The following FRMD3 variants were observed in gnomAD, a reference collection of about 807,000 sequenced individuals.
The protein encoded by FRMD3 is FERM domain containing 3.
FRMD3 carries 33 observed loss-of-function variants against 70.2 expected under a neutral mutation model. The ratio of observed to expected loss-of-function variants is 0.47; its 90% CI spans 0.36 to 0.63. The LOEUF (loss-of-function observed/expected upper bound fraction) is 0.63. Among genes scored for constraint, FRMD3 ranks in the 20% least tolerant of loss-of-function variants. FRMD3 has a pLI of 0.00. For synonymous variants in FRMD3, 279 were observed against 255.9 expected (o/e 1.09, Z -0.86); for missense variants, 632 against 711.4 (o/e 0.89, Z 1.27).
chr9:83,576,196 T>C, the FRMD3 span, among the ~76,000 whole-genome samples: 33,137 of 152,050 alleles, frequency 0.22, 4,704 homozygotes, highest in African/African-American at 0.41. Context: ...TTAATCACCA[T>C]GGCCAAGTAG....
Position 83,330,550 on chromosome 9 carries a change from C to T in FRMD3, c.596+4966G>A, listed in dbSNP as rs190294315. Reference sequence around the variant, plus strand: ...GATAACTTAAAATTATCTACAGAGGCAGGAGAGTGAAGTAGAAATTGATTC... The same window carrying T: ...GATAACTTAAAATTATCTACAGAGGTAGGAGAGTGAAGTAGAAATTGATTC... On this transcript the variant is annotated intron_variant, in intron 6 of 13. Coordinates refer to ENST00000304195, the MANE Select transcript of FRMD3 (RefSeq NM_174938.6). Among the ~76,000 whole-genome samples the T allele has an allele frequency of 7.4e-3, 1,121 of 152,224 alleles. 4 individuals are homozygous for T. Among genetic ancestry groups the T allele is most frequent in the Non-Finnish European group, 0.012 (821 of 68,012 alleles).
chr9:83,372,534 C>T (rs1256106604), intron 3 of FRMD3, among the ~76,000 whole-genome samples: 3 of 152,122 alleles, frequency 2.0e-5, no homozygotes, highest in African/African-American at 4.8e-5. Flanking sequence ...CTGCTTCTCC[C>T]ATCTTCCTTA....
At chr9:83,400,636 T>C (rs780290052) in intron 1 of FRMD3, among the ~76,000 whole-genome samples, 3 of 152,154 alleles carry the variant, frequency 2.0e-5, no homozygotes, top group Non-Finnish European at 2.9e-5. Flanking sequence ...CAAGACTTAC[T>C]ATAAAGTTAC....
At chr9:83,254,470 A>C (rs1474651166) in intron 13 of FRMD3, among the ~76,000 whole-genome samples, 1 of 152,042 alleles carries the variant, frequency 6.6e-6, no homozygotes, top group Admixed American at 6.6e-5. Flanking sequence ...TCTCAACTAA[A>C]AGAACTAGAG....
intron 1 of FRMD3, among the ~76,000 whole-genome samples, chr9:83,434,880 G>C (rs554756429): frequency 3.4e-4 from 45 of 134,136 alleles, no homozygotes; most frequent in African/African-American, 1.2e-3. Context: ...AGGCTGGAGT[G>C]CAGTGGCACG....
intron 1 of FRMD3, among the ~76,000 whole-genome samples, chr9:83,518,251 G>A (rs1829495933): frequency 6.6e-6 from 1 of 152,152 alleles, no homozygotes; most frequent in African/African-American, 2.4e-5. Context: ...CATCATCTCA[G>A]CCCAAAAACT....
At chr9:83,290,853 G>T in intron 12 of FRMD3, 126 bp from the exon 13 acceptor site, 2 of 974,406 alleles carry the variant, frequency 2.1e-6, no homozygotes, top group Non-Finnish European at 3.0e-6. Flanking sequence ...AGTGAATTGA[G>T]CCAGTAGTAA....
chr9:83,255,165 C>T (rs765505951), intron 13 of FRMD3, among the ~76,000 whole-genome samples: 5 of 152,246 alleles, frequency 3.3e-5, no homozygotes, highest in South Asian at 2.1e-4. Context: ...AGCAGCATAT[C>T]GAAAGGCTTA....
In FRMD3 at chr9:83,389,573, A is replaced by C. The variant is rs757339968; in HGVS notation, c.252+31T>G. 13 of 1,485,936 alleles carry C rather than the reference A, an allele frequency of 8.7e-6. No homozygotes were observed. In the African/African-American group the frequency reaches 1.7e-4, roughly 19 times the overall value. The allele number at this position is 1,485,936 out of a possible 1,614,324, so 92.0% of individuals were successfully genotyped here. A position where few individuals can be genotyped will look rare whatever the true frequency, so the allele number is the denominator to read the frequency against. On this transcript the variant is annotated intron_variant, in intron 2 of 13. Coordinates refer to ENST00000304195, the MANE Select transcript of FRMD3 (RefSeq NM_174938.6). ...GCACCACAGTCTGGGTCACTCCCTG[A>C]AAATGGCTCCAGATAGAAATCAGCT...
chr9:83,380,715 T>C (rs1398977172), intron 2 of FRMD3, among the ~76,000 whole-genome samples: 1 of 152,220 alleles, frequency 6.6e-6, no homozygotes, highest in Non-Finnish European at 1.5e-5. Context: ...AATGTTTGGC[T>C]TCTGTTGAAA....
At chr9:83,311,837 G>T in intron 8 of FRMD3, 50 bp downstream of exon 8, 1 of 1,280,320 alleles carries the variant, frequency 7.8e-7, no homozygotes. Flanking sequence ...GGGGACGGAG[G>T]AATCAAGATT....
chr9:83,285,559 C>T (rs55707933), intron 13 of FRMD3, among the ~76,000 whole-genome samples: 23,257 of 152,134 alleles, frequency 0.15, 1,830 homozygotes, highest in Admixed American at 0.16. Flanking sequence ...TGCCAGCCTG[C>T]ACCACTGCTA....
At chr9:83,546,472 T>C in the FRMD3 span, among the ~76,000 whole-genome samples, 1 of 152,210 alleles carries the variant, frequency 6.6e-6, no homozygotes, top group Admixed American at 6.5e-5. Flanking sequence ...ACTAAGGGAA[T>C]TTGATGCCAC....
intron 1 of FRMD3, among the ~76,000 whole-genome samples, chr9:83,460,617 C>T (rs759731210): frequency 6.7e-6 from 1 of 149,928 alleles, no homozygotes; most frequent in Non-Finnish European, 1.5e-5. Context: ...ATAAGGGATC[C>T]GTTTTCATTT....
At chr9:83,310,360 T>A (rs1300622518) in intron 9 of FRMD3, 125 bp downstream of exon 9, 4 of 786,856 alleles carry the variant, frequency 5.1e-6, no homozygotes, top group Non-Finnish European at 8.4e-6. Flanking sequence ...GCATATAGCT[T>A]TCATTATCAC....
chr9:83,353,503 TC>T (rs1415873942), intron 3 of FRMD3, among the ~76,000 whole-genome samples: 1 of 152,164 alleles, frequency 6.6e-6, no homozygotes, highest in Admixed American at 6.5e-5. Context: ...CAGCTTTTTA[TC>T]CCCAGAGCTG....
At chr9:83,538,916 C>T (rs193091725), upstream of FRMD3, among the ~76,000 whole-genome samples, 1 of 152,156 alleles carries the variant, frequency 6.6e-6, no homozygotes, top group Non-Finnish European at 1.5e-5. The surrounding 1 kb of genome is among the most constrained non-coding windows in gnomAD (Gnocchi z 4.7). Context: ...AGCCCTGACA[C>T]GGCTACACCA....
chr9:83,312,409 C>T (rs1176709186), intron 7 of FRMD3, among the ~76,000 whole-genome samples: 1 of 152,136 alleles, frequency 6.6e-6, no homozygotes, highest in East Asian at 1.9e-4. Flanking sequence ...CTGGAAATTT[C>T]AGTATAAAAA....
the FRMD3 span, among the ~76,000 whole-genome samples, chr9:83,575,276 A>G: frequency 6.6e-6 from 1 of 152,224 alleles, no homozygotes; most frequent in South Asian, 2.1e-4. Flanking sequence ...AATGAACTAG[A>G]ACGAGGGGTT....
Sources: gnomAD v4.1 joint callset for allele counts (sites outside exome capture counted in the v4.1 genomes callset) on GRCh38, gnomAD v4.1.1 for gene constraint, Gnocchi (gnomAD v3.1) non-coding constraint, MANE v1.5 for transcripts, NCBI Gene and HGNC (gene_info 2026-07-23, HGNC 2026-07-21) for gene names.